RBMS2: variants seen among roughly 807,000 people sequenced by gnomAD.
The protein encoded by RBMS2 is RNA-binding motif, single-stranded-interacting protein 2.
Under a neutral mutation model 58.4 loss-of-function variants are expected in RBMS2, and 38 were observed. That is an observed-to-expected ratio of 0.65 (90% confidence interval 0.50 to 0.85). The LOEUF is 0.85. Ranked by LOEUF, RBMS2 falls within the 40% of genes least tolerant of loss-of-function variation. The pLI, the probability that RBMS2 is intolerant of heterozygous loss-of-function variation, is 0.00. For synonymous variants in RBMS2, 151 were observed against 180.7 expected (o/e 0.84, Z 1.32); for missense variants, 367 against 503.7 (o/e 0.73, Z 2.60).
chr12:56,550,138 A>T (rs1877981107), intron 1 of RBMS2, among the ~76,000 whole-genome samples: 1 of 152,214 alleles, frequency 6.6e-6, no homozygotes, highest in Non-Finnish European at 1.5e-5. Context: ...CTATTTATTG[A>T]TATGTCCTAA....
chr12:56,540,920 G>A (rs1875961270), intron 1 of RBMS2, among the ~76,000 whole-genome samples: 1 of 152,098 alleles, frequency 6.6e-6, no homozygotes, highest in South Asian at 2.1e-4. Flanking sequence ...AGGTAACATG[G>A]CAAGACTAAG....
At chr12:56,582,254 T>A in intron 9 of RBMS2, 102 bp downstream of exon 9, 1 of 1,015,516 alleles carries the variant, frequency 9.8e-7, no homozygotes, top group Non-Finnish European at 1.5e-6. Context: ...TTTTTCCTTT[T>A]AATCATATTA....
chr12:56,532,577 A>C (rs1873961689), intron 1 of RBMS2, among the ~76,000 whole-genome samples: 1 of 151,550 alleles, frequency 6.6e-6, no homozygotes, highest in East Asian at 1.9e-4. Context: ...TTAAAAAAAA[A>C]CTTTTTCTTC....
chr12:56,526,564 C>T (rs1468630956), intron 1 of RBMS2, among the ~76,000 whole-genome samples: 2 of 143,102 alleles, frequency 1.4e-5, no homozygotes, highest in Non-Finnish European at 1.5e-5. Flanking sequence ...AAAATAGTTA[C>T]TGAAGGGGAA....
intron 1 of RBMS2, among the ~76,000 whole-genome samples, chr12:56,553,608 A>G (rs1878688249): frequency 1.3e-5 from 2 of 151,208 alleles, no homozygotes. Context: ...GATTACAAGC[A>G]TGAGCCACTG....
intron 12 of RBMS2, 147 bp downstream of exon 12, chr12:56,588,521 C>T: frequency 1.4e-6 from 1 of 725,842 alleles, no homozygotes; most frequent in Non-Finnish European, 2.3e-6. Context: ...GAAGGATGTG[C>T]TCGCTTCGGC....
chr12:56,582,072 C>G lies in RBMS2; in HGVS notation c.793C>G (p.Pro265Ala), dbSNP rs1884036277. The part of the protein sequence containing the change: ...TALQNGFYPA[P>A]YNITPNRMLA... Reference sequence around the variant, plus strand: ...TCCTTCCCACAGGTTTTACCCAGCCCCCTATAACATCACCCCCAACAGGAT... The same window carrying G: ...TCCTTCCCACAGGTTTTACCCAGCCGCCTATAACATCACCCCCAACAGGAT... The change falls in exon 9 of 14, where the codon CCC becomes GCC. Residue 265 changes from proline (P) to alanine (A), a missense_variant. Pro to Ala is a conservative substitution (Grantham distance 27). This residue lies in a region of RBMS2 where 220 missense variants were observed against 261.1 expected (regional missense o/e 0.84). Transcript: ENST00000262031. The G allele has an allele frequency of 6.2e-7, 1 of 1,610,924 alleles. No homozygotes were observed. Among genetic ancestry groups the G allele is most frequent in the South Asian group, 1.1e-5 (1 of 90,636 alleles).
intron 12 of RBMS2, 150 bp from the exon 13 acceptor site, chr12:56,588,782 G>T (rs1885031179): frequency 1.4e-5 from 10 of 722,762 alleles, no homozygotes; most frequent in East Asian, 2.5e-5. Flanking sequence ...TTGGGGAAGT[G>T]GTGGTGTGGG....
rs555573720 is a variant in RBMS2 at position 56,562,410 on chromosome 12, C to T, written c.67-7C>T. On this transcript the variant is annotated splice_polypyrimidine_tract_variant and splice_region_variant and intron_variant, in intron 1 of 13. Coordinates refer to ENST00000262031, the MANE Select transcript of RBMS2 (RefSeq NM_002898.4). The stretch of plus-strand genomic sequence containing the variant: ...TCCTTCTACCTCTTCCTCATGTCTC[C>T]CTGCAGCCATATGTGTCATTGGCTC... 4 of 1,598,378 alleles carry T rather than the reference C, an allele frequency of 2.5e-6. No individual in the cohort carries two copies. The highest frequency in any genetic ancestry group is 2.7e-5 in the African/African-American group (2 of 74,816).
chr12:56,578,117 C>A (rs761457337), intron 5 of RBMS2, among the ~76,000 whole-genome samples: 2 of 151,718 alleles, frequency 1.3e-5, no homozygotes, highest in African/African-American at 2.4e-5. Context: ...AGCTACTGTT[C>A]CTGGCCCAAA....
intron 9 of RBMS2, among the ~76,000 whole-genome samples, chr12:56,583,815 A>G (rs1884305506): frequency 6.6e-6 from 1 of 152,050 alleles, no homozygotes; most frequent in Non-Finnish European, 1.5e-5. Context: ...CCATGTTTCT[A>G]TTTGGTTATT....
At chr12:56,581,681 T>C in intron 7 of RBMS2, 152 bp from the exon 8 acceptor site, 1 of 1,164,384 alleles carries the variant, frequency 8.6e-7, no homozygotes, top group Non-Finnish European at 1.2e-6. Context: ...CTTTGCGGCC[T>C]GCACAATTAG....
intron 4 of RBMS2, 80 bp from the exon 5 acceptor site, chr12:56,571,618 A>G: frequency 7.2e-7 from 1 of 1,397,464 alleles, no homozygotes; most frequent in Non-Finnish European, 9.5e-7. Flanking sequence ...CTCTTTTCTG[A>G]AATGTCATTT....
chr12:56,595,311 TCCAGCGCGAGTGAAGTCC>T lies in RBMS2; in HGVS notation c.*6182_*6199del, dbSNP rs1885655226. The T allele has an allele frequency of 1.3e-5, 2 of 152,150 alleles. No individual in the cohort carries two copies. Among genetic ancestry groups the T allele is most frequent in the Non-Finnish European group, 2.9e-5 (2 of 68,038 alleles). The allele number at this position is 152,150 out of a possible 1,614,324, so 9.4% of individuals were successfully genotyped here. On this transcript the variant is annotated 3_prime_UTR_variant, in exon 14 of 14. Transcript: ENST00000262031. ...TTTCCAGGCTGGAGGGTAATACATA[TCCAGCGCGAGTGAAGTCC>T]CCACTCCAACATATACCCTTTTTGG... is the stretch of plus-strand genomic sequence containing the variant.
At chr12:56,569,831 T>C (rs1881986500) in intron 3 of RBMS2, 68 bp from the exon 4 acceptor site, 26 of 1,332,394 alleles carry the variant, frequency 2.0e-5, no homozygotes, top group Non-Finnish European at 2.8e-5. Context: ...CTCTGTCTCC[T>C]GAAAAGCCTG....
At chr12:56,575,409 C>T (rs1458139675) in intron 5 of RBMS2, among the ~76,000 whole-genome samples, 1 of 151,940 alleles carries the variant, frequency 6.6e-6, no homozygotes, top group African/African-American at 2.4e-5. Flanking sequence ...TGCACTCTGG[C>T]CTGGGCTACA....
chr12:56,578,829 G>T (rs1883504703), intron 5 of RBMS2, among the ~76,000 whole-genome samples: 1 of 152,150 alleles, frequency 6.6e-6, no homozygotes, highest in African/African-American at 2.4e-5. Flanking sequence ...GCCAGGCGTG[G>T]TGGCTCATGC....
upstream of RBMS2, among the ~76,000 whole-genome samples, chr12:56,521,500 CTG>C (rs1565719383): frequency 2.2e-5 from 2 of 92,472 alleles, no homozygotes; most frequent in African/African-American, 9.4e-5. Context: ...CACTCTAACT[CTG>C]TTTTTTTTTT....
chr12:56,589,461 G>A lies in RBMS2; in HGVS notation c.*328G>A. 1 of 357,600 alleles carries A rather than the reference G, an allele frequency of 2.8e-6. No individual in the cohort carries two copies. The allele number at this position is 357,600 out of a possible 1,614,324, so 22.2% of individuals were successfully genotyped here. ...TTTTCCCCTACCTTGAAGAGACATG[G>A]TGGTCGCAGCTTCTCATCTATATGA... is the stretch of plus-strand genomic sequence containing the variant. On this transcript the variant is annotated 3_prime_UTR_variant, in exon 14 of 14. Coordinates refer to ENST00000262031, the MANE Select transcript of RBMS2 (RefSeq NM_002898.4).
Sources: allele counts gnomAD v4.1 joint callset (sites outside exome capture counted in the v4.1 genomes callset), GRCh38; gene constraint gnomAD v4.1.1; regional missense constraint gnomAD v4.1.1; transcripts MANE v1.5; gene names NCBI Gene and HGNC (gene_info 2026-07-23, HGNC 2026-07-21).